COL26A1: variants seen among roughly 807,000 people sequenced by gnomAD.
COL26A1 encodes the protein collagen alpha-1(XXVI) chain.
A neutral mutation model predicts 59.3 loss-of-function variants in COL26A1; 41 were observed. The observed-to-expected ratio is 0.69, with a 90% confidence interval of 0.54 to 0.90. The LOEUF is 0.90. COL26A1 is among the 40% of genes least tolerant of loss of function. The pLI, the probability that COL26A1 is intolerant of heterozygous loss-of-function variation, is 0.00. For synonymous variants in COL26A1, 266 were observed against 256.0 expected (o/e 1.04, Z -0.37); for missense variants, 612 against 602.3 (o/e 1.02, Z -0.17).
intron 3 of COL26A1, among the ~76,000 whole-genome samples, chr7:101,477,165 G>A (rs1044775006): frequency 1.3e-5 from 2 of 152,028 alleles, no homozygotes; most frequent in African/African-American, 2.4e-5. Flanking sequence ...TTTTGTAAGG[G>A]TTAAGGCAAG....
At chr7:101,372,013 G>T (rs895446623) in intron 1 of COL26A1, among the ~76,000 whole-genome samples, 2 of 152,118 alleles carry the variant, frequency 1.3e-5, no homozygotes, top group Admixed American at 1.3e-4. Context: ...TTGTTCTGGG[G>T]CTTACATGGG....
At chr7:101,377,845 T>C (rs747808101) in intron 1 of COL26A1, among the ~76,000 whole-genome samples, 3 of 152,216 alleles carry the variant, frequency 2.0e-5, no homozygotes, top group Non-Finnish European at 2.9e-5. Context: ...GTTTAGTAGA[T>C]AGGCTGACTG....
At position 101,513,803 on chromosome 7, in the gene COL26A1, C is replaced by A. The variant is rs180962323; in HGVS notation, c.386-19279C>A. ...ATGACAAAAGGCAGTGTTACCACAG[C>A]ACAAACACATGCTACAGATTGGGAG... On this transcript the variant is annotated intron_variant, in intron 3 of 12. Transcript: ENST00000313669. Among the ~76,000 whole-genome samples, 21 of 152,288 alleles carry A rather than the reference C, an allele frequency of 1.4e-4. 1 individual carries two copies. The highest frequency in any genetic ancestry group is 5.1e-4 in the African/African-American group (21 of 41,546).
At chr7:101,496,252 G>T (rs981721171) in intron 3 of COL26A1, among the ~76,000 whole-genome samples, 6 of 152,218 alleles carry the variant, frequency 3.9e-5, no homozygotes, top group Admixed American at 3.9e-4. Context: ...GGACCAGTCG[G>T]CTGTGGCCAG....
At chr7:101,440,885 G>A (rs748628125) in intron 2 of COL26A1, among the ~76,000 whole-genome samples, 53 of 151,586 alleles carry the variant, frequency 3.5e-4, no homozygotes, top group Non-Finnish European at 7.1e-4. Flanking sequence ...GCTGAGGCAG[G>A]AGAATTGCTT....
At chr7:101,434,216 C>CCT (rs1792859912) in intron 2 of COL26A1, among the ~76,000 whole-genome samples, 1 of 66,210 alleles carries the variant, frequency 1.5e-5, no homozygotes, top group Admixed American at 1.9e-4. Context: ...CCCCACCTCT[C>CCT]TCTCTTTTTC....
intron 3 of COL26A1, among the ~76,000 whole-genome samples, chr7:101,500,562 A>G (rs1256045038): frequency 6.6e-6 from 1 of 152,170 alleles, no homozygotes; most frequent in Non-Finnish European, 1.5e-5. Flanking sequence ...TCATGTCTGT[A>G]AACCCAGCAC....
chr7:101,475,299 C>T (rs1584441141), intron 3 of COL26A1, among the ~76,000 whole-genome samples: 1 of 152,110 alleles, frequency 6.6e-6, no homozygotes, highest in East Asian at 1.9e-4. Flanking sequence ...AAGGATGTTC[C>T]TTTCCTTTAG....
chr7:101,504,494 C>T (rs998761616), intron 3 of COL26A1, among the ~76,000 whole-genome samples: 3 of 152,140 alleles, frequency 2.0e-5, no homozygotes, highest in African/African-American at 7.2e-5. Flanking sequence ...TCGCCTGATT[C>T]GGGGACTTCC....
chr7:101,397,983 T>C (rs1791899535), intron 1 of COL26A1, among the ~76,000 whole-genome samples: 1 of 152,204 alleles, frequency 6.6e-6, no homozygotes, highest in South Asian at 2.1e-4. Flanking sequence ...GAGGTAACCA[T>C]GGTTCTGATT....
intron 3 of COL26A1, among the ~76,000 whole-genome samples, chr7:101,508,821 C>T (rs563817109): frequency 2.6e-5 from 4 of 152,064 alleles, no homozygotes; most frequent in Non-Finnish European, 4.4e-5. Context: ...TGTATTAGTT[C>T]GTTTTGTGTT....
At position 101,382,853 on chromosome 7, in the gene COL26A1, C is replaced by T. The variant is rs575921594; in HGVS notation, c.158+19663C>T. Among the ~76,000 whole-genome samples the T allele has an allele frequency of 2.0e-3, 308 of 152,174 alleles. 1 individual carries two copies. Among genetic ancestry groups the T allele is most frequent in the Middle Eastern group, 3.4e-3 (1 of 294 alleles). On this transcript the variant is annotated intron_variant, in intron 1 of 12. Coordinates refer to ENST00000313669, the MANE Select transcript of COL26A1 (RefSeq NM_001278563.3). Reference sequence around the variant, plus strand: ...TTGAGGCCAGGAGTTTGAGACCAGGCTGGCCAACGTGGAGAATATCGCTAC... The same window carrying T: ...TTGAGGCCAGGAGTTTGAGACCAGGTTGGCCAACGTGGAGAATATCGCTAC...
At chr7:101,555,970 T>C (rs2130691672) in intron 12 of COL26A1, 99 bp downstream of exon 12, 2 of 1,039,982 alleles carry the variant, frequency 1.9e-6, no homozygotes, top group East Asian at 2.7e-5. Context: ...CTGGTCTCCC[T>C]CCCTTGCCCC....
At position 101,403,169 on chromosome 7, in the gene COL26A1, CA is replaced by C. The variant is rs1381060829; in HGVS notation, c.159-16806del. Among the ~76,000 whole-genome samples, 3 of 152,114 alleles carry C rather than the reference CA, an allele frequency of 2.0e-5. No homozygotes were observed. In the East Asian group the frequency reaches 5.8e-4, roughly 29 times the overall value. On this transcript the variant is annotated intron_variant, in intron 1 of 12. Coordinates refer to ENST00000313669, the MANE Select transcript of COL26A1 (RefSeq NM_001278563.3). ...GGCAAAGTCTTAATAATTCTCCATTCAAGTCCATAGAGAGATGGTTTCAGGG... is the reference window on the plus strand; with the variant it reads ...GGCAAAGTCTTAATAATTCTCCATTCAGTCCATAGAGAGATGGTTTCAGGG...
chr7:101,492,139 G>T (rs1018612078), intron 3 of COL26A1, among the ~76,000 whole-genome samples: 27 of 152,152 alleles, frequency 1.8e-4, no homozygotes, highest in Non-Finnish European at 1.5e-5. Flanking sequence ...ATTTAAGAGG[G>T]TGAGAACTGA....
chr7:101,403,530 C>T (rs1377715216), intron 1 of COL26A1, among the ~76,000 whole-genome samples: 1 of 105,280 alleles, frequency 9.5e-6, no homozygotes, highest in Non-Finnish European at 2.5e-5. Flanking sequence ...ACAACAACAA[C>T]AAAACAAAAC....
At chr7:101,553,136 G>A (rs1795894558) in intron 10 of COL26A1, 190 bp from the exon 11 acceptor site, 2 of 537,228 alleles carry the variant, frequency 3.7e-6, no homozygotes, top group Admixed American at 6.8e-5. Flanking sequence ...TGAGCAGGCT[G>A]TGCCCCGGAG....
intron 2 of COL26A1, among the ~76,000 whole-genome samples, chr7:101,427,897 T>G (rs1792684598): frequency 6.6e-6 from 1 of 152,170 alleles, no homozygotes; most frequent in African/African-American, 2.4e-5. Context: ...GGCTTAAAAC[T>G]TTTGTGTGGA....
chr7:101,547,224 C>T lies in COL26A1; in HGVS notation c.925C>T (p.Pro309Ser), dbSNP rs754486613. 1.9e-6 allele frequency: 3 copies of T among 1,581,604 alleles called. No individual in the cohort carries two copies. Among genetic ancestry groups the T allele is most frequent in the Admixed American group, 3.6e-5 (2 of 55,602 alleles). Residue 309 changes from proline (P) to serine (S), a missense_variant, in exon 8 of 13, where the codon CCC (proline) becomes TCC (serine). Pro to Ser is a moderately conservative substitution (Grantham distance 74, BLOSUM62 -1). Coordinates refer to ENST00000313669, the MANE Select transcript of COL26A1 (RefSeq NM_001278563.3). ...GGCAGGTGTCCCAGGACCCCGGGGT[C>T]CCCCTGGTCCACCAGGTAAGTGAAT... is the stretch of plus-strand genomic sequence containing the variant. ...VLAGVPGPRG[P>S]PGPPGPPGPR...
Sources: gnomAD v4.1 joint callset for allele counts (sites outside exome capture counted in the v4.1 genomes callset) on GRCh38, gnomAD v4.1.1 for gene constraint, MANE v1.5 for transcripts, NCBI Gene and HGNC (gene_info 2026-07-23, HGNC 2026-07-21) for gene names.